The following AP1B1 variants were observed in gnomAD, a reference collection of about 807,000 sequenced individuals.
AP1B1 encodes the protein AP-1 complex subunit beta-1.
Under a neutral mutation model 104.3 loss-of-function variants are expected in AP1B1, and 36 were observed. The observed-to-expected ratio is 0.35, with a 90% CI of 0.26 to 0.46. The LOEUF (loss-of-function observed/expected upper bound fraction) is 0.46, where lower values mean the gene tolerates loss of function less well. Among genes scored for constraint, AP1B1 ranks in the 20% least tolerant of loss-of-function variants. The pLI, the probability that AP1B1 is intolerant of heterozygous loss-of-function variation, is 1.00. For missense variants in AP1B1, 901 were observed against 1,247.9 expected (o/e 0.72, Z 4.19); for synonymous variants, 504 against 517.5 (o/e 0.97, Z 0.35).
chr22:29,377,412 G>C (rs2062362978), intron 1 of AP1B1, among the ~76,000 whole-genome samples: 1 of 152,100 alleles, frequency 6.6e-6, no homozygotes, highest in Non-Finnish European at 1.5e-5. Flanking sequence ...AAAATAATCT[G>C]TGTTCTTTAG....
In AP1B1 at chr22:29,354,695, A is replaced by AGCTCTG; in HGVS notation, c.887_892dup (p.Pro296_Glu297dup). 6.2e-7 allele frequency: 1 copy of AGCTCTG among 1,614,134 alleles called. No individual in the cohort carries two copies. The highest frequency in any genetic ancestry group is 8.5e-7 in the Non-Finnish European group (1 of 1,180,032). On this transcript the variant is annotated inframe_insertion, in exon 7 of 23. Coordinates refer to ENST00000357586, the MANE Select transcript of AP1B1 (RefSeq NM_001127.4). ...GATGTTGCGCAGGGCCACATACTGCAGCTCTGGCTCGGCTGACAGCAGTGT... is the reference window on the plus strand; with the variant it reads ...GATGTTGCGCAGGGCCACATACTGCAGCTCTGGCTCTGGCTCGGCTGACAGCAGTGT...
chr22:29,356,269 G>A (rs2061956159), intron 6 of AP1B1, among the ~76,000 whole-genome samples, 157 bp downstream of exon 6: 1 of 152,220 alleles, frequency 6.6e-6, no homozygotes, highest in Non-Finnish European at 1.5e-5. Flanking sequence ...GGAGAGGTGG[G>A]AAGCAGGCAG....
intron 6 of AP1B1, among the ~76,000 whole-genome samples, 190 bp from the exon 7 acceptor site, chr22:29,355,061 C>CT (rs1427223781): frequency 6.6e-6 from 1 of 152,080 alleles, no homozygotes; most frequent in Non-Finnish European, 1.5e-5. Context: ...CATGGTAAAA[C>CT]TTTGTCTCTA....
At chr22:29,388,382 C>A (rs1208993473) in intron 1 of AP1B1, 42 bp downstream of exon 1, 1 of 152,524 alleles carries the variant, frequency 6.6e-6, no homozygotes, top group African/African-American at 2.4e-5. Flanking sequence ...GACCCCTCGC[C>A]CCACTTCTTC....
rs113876635 is a variant in AP1B1, at chr22:29,350,232, G to A, written c.1156-82C>T. The A allele has an allele frequency of 3.6e-5, 39 of 1,072,978 alleles. 2 individuals are homozygous for A. The African/African-American group carries it at 4.2e-4, about 12-fold the overall frequency. The allele number at this position is 1,072,978 out of a possible 1,614,324, so 66.5% of individuals were successfully genotyped here. On this transcript the variant is annotated intron_variant, in intron 9 of 22. Transcript: ENST00000357586. ...CTCTGATGTCCACGCCTCGGCCAAG[G>A]GCTGCAAATCACTTCTGGCACACCT...
At chr22:29,371,929 GGCCAAGAAAT>G (rs1435471597) in intron 1 of AP1B1, among the ~76,000 whole-genome samples, 1 of 152,142 alleles carries the variant, frequency 6.6e-6, no homozygotes, top group Non-Finnish European at 1.5e-5. Flanking sequence ...AGCATTTACA[GGCCAAGAAAT>G]GCCTCAAGGG....
At chr22:29,351,974 T>C (rs1713643020) in intron 7 of AP1B1, 149 bp from the exon 8 acceptor site, 6 of 1,104,046 alleles carry the variant, frequency 5.4e-6, no homozygotes, top group Admixed American at 2.5e-5. Context: ...TGCAAGCTCC[T>C]GGGTAGAGGG....
rs1382061225 is a variant in AP1B1 at position 29,334,396 on chromosome 22, G to C, written c.2178C>G (p.Ala726=). 13 of 1,604,298 alleles carry C rather than the reference G, an allele frequency of 8.1e-6. No homozygotes were observed. Among genetic ancestry groups the C allele is most frequent in the Non-Finnish European group, 1.1e-5 (13 of 1,176,972 alleles). ...AGATCTCCAGCCCCTTAGCCTTCAT[G>C]GCTGGGAGCCAGACCTGCAGGGAAG... ...YVAPKAVWLP[A]MKAKGLEISG... The change falls in exon 17 of 23, where the codon GCC becomes GCG. Residue 726 remains alanine, a synonymous_variant. Transcript: ENST00000357586.
chr22:29,385,792 AAG>A (rs1443439433), intron 1 of AP1B1, among the ~76,000 whole-genome samples: 1 of 152,248 alleles, frequency 6.6e-6, no homozygotes, highest in Admixed American at 6.5e-5. Flanking sequence ...AAACACAGCG[AAG>A]TGCAAAACCC....
intron 13 of AP1B1, 87 bp downstream of exon 13, chr22:29,341,414 G>A: frequency 6.6e-7 from 1 of 1,514,918 alleles, no homozygotes; most frequent in Non-Finnish European, 8.9e-7. Flanking sequence ...TCTTGCTGGG[G>A]GACAACACGC....
chr22:29,331,558 A>C, intron 18 of AP1B1, 25 bp from the exon 19 acceptor site: 1 of 1,613,688 alleles, frequency 6.2e-7, no homozygotes, highest in Non-Finnish European at 8.5e-7. Context: ...GTCCCCAGTC[A>C]GTCTCTGGGG....
At chr22:29,337,745 GC>G (rs2061658345) in intron 16 of AP1B1, among the ~76,000 whole-genome samples, 1 of 152,050 alleles carries the variant, frequency 6.6e-6, no homozygotes, top group Admixed American at 6.6e-5. Flanking sequence ...CCTTCCCTCA[GC>G]CCCGGCTCCT....
chr22:29,340,673 C>T lies in AP1B1; in HGVS notation c.1981G>A (p.Gly661Ser), dbSNP rs553866066. Residue 661 changes from glycine (G) to serine (S), a missense_variant, in exon 14 of 23, where the codon GGT (glycine) becomes AGT (serine). Around this residue, in one of 3 missense-constraint regions of AP1B1, gnomAD observed 424 missense variants for 494.0 expected, o/e 0.86. Coordinates refer to ENST00000357586, the MANE Select transcript of AP1B1 (RefSeq NM_001127.4). ...VQMGAVDLLG[G>S]GLDSLMGDEP... Reference sequence around the variant, plus strand: ...CAACATACCAGGCTGTCAAGGCCACCGCCAAGAAGGTCCACAGCTCCCATC... The same window carrying T: ...CAACATACCAGGCTGTCAAGGCCACTGCCAAGAAGGTCCACAGCTCCCATC... The T allele has an allele frequency of 1.2e-4, 182 of 1,563,910 alleles. 1 individual carries two copies. The South Asian group carries it at 1.5e-3, about 13-fold the overall frequency.
intron 9 of AP1B1, 96 bp from the exon 10 acceptor site, chr22:29,350,246 T>G: frequency 1.2e-6 from 1 of 867,612 alleles, no homozygotes; most frequent in South Asian, 1.4e-5. Context: ...GCAAATCACT[T>G]CTGGCACACC....
At chr22:29,380,053 G>T (rs1164353170) in intron 1 of AP1B1, among the ~76,000 whole-genome samples, 1 of 152,194 alleles carries the variant, frequency 6.6e-6, no homozygotes, top group Non-Finnish European at 1.5e-5. Flanking sequence ...ATGAGATTCA[G>T]AAATGGTTCT....
At position 29,341,546 on chromosome 22, in the gene AP1B1, C is replaced by G. The variant is rs994876845; in HGVS notation, c.1751G>C (p.Gly584Ala). The change falls in exon 13 of 23, where the codon GGG (glycine) becomes GCG (alanine). Residue 584 changes from glycine to alanine, a missense_variant. Coordinates refer to ENST00000357586, the MANE Select transcript of AP1B1 (RefSeq NM_001127.4). ...YHKPPSAFVEGGRGVVHKSLP... is the reference protein window; with the variant it reads ...YHKPPSAFVEAGRGVVHKSLP... Reference sequence around the variant, plus strand: ...GCTCTTGTGCACGACGCCCCGGCCCCCCTCCACAAAGGCACTGGGAGGCTT... The same window carrying G: ...GCTCTTGTGCACGACGCCCCGGCCCGCCTCCACAAAGGCACTGGGAGGCTT... 3 of 1,614,160 alleles carry G rather than the reference C, an allele frequency of 1.9e-6. No homozygotes were observed. Among genetic ancestry groups the G allele is most frequent in the East Asian group, 4.5e-5 (2 of 44,892 alleles).
At chr22:29,360,863 T>A (rs913437434) in intron 3 of AP1B1, among the ~76,000 whole-genome samples, 1 of 152,184 alleles carries the variant, frequency 6.6e-6, no homozygotes, top group Non-Finnish European at 1.5e-5. Context: ...TCAATTCTTA[T>A]GTGTTTATAG....
chr22:29,350,556 C>T (rs1264946774), intron 9 of AP1B1, among the ~76,000 whole-genome samples: 4 of 152,210 alleles, frequency 2.6e-5, no homozygotes, highest in Non-Finnish European at 4.4e-5. Flanking sequence ...CCACACACTG[C>T]TCTCACGGCC....
chr22:29,374,157 G>T (rs968814011), intron 1 of AP1B1, among the ~76,000 whole-genome samples: 1 of 151,776 alleles, frequency 6.6e-6, no homozygotes, highest in Non-Finnish European at 1.5e-5. Flanking sequence ...GCCAAGATCG[G>T]CGCCACTGCA....
Sources: allele counts gnomAD v4.1 joint callset (sites outside exome capture counted in the v4.1 genomes callset), GRCh38; gene constraint gnomAD v4.1.1; regional missense constraint gnomAD v4.1.1; transcripts MANE v1.5; gene names NCBI Gene and HGNC (gene_info 2026-07-23, HGNC 2026-07-21).